TNR: variants seen among roughly 807,000 people sequenced by gnomAD.
The protein encoded by TNR is tenascin R.
Under a neutral mutation model 150.4 loss-of-function variants are expected in TNR, and 45 were observed. That is an observed-to-expected ratio of 0.30 (90% confidence interval 0.24 to 0.38). The LOEUF (loss-of-function observed/expected upper bound fraction) is 0.38, where lower values mean the gene tolerates loss of function less well. TNR is among the 10% of genes least tolerant of loss of function. The pLI is 1.00. For missense variants in TNR, 1,544 were observed against 1,759.1 expected (o/e 0.88, Z 2.19); for synonymous variants, 687 against 678.4 (o/e 1.01, Z -0.20).
rs768539522 is a variant in TNR, at chr1:175,396,737, C to T, written c.1047G>A (p.Pro349=). 1.4e-5 allele frequency: 22 copies of T among 1,614,100 alleles called. No individual in the cohort carries two copies. In the East Asian group the frequency reaches 1.8e-4, roughly 13 times the overall value. ...DRSIELEWDG[P]MAVTEYVISY... is the part of the protein sequence containing the mutation. ...AGATCACATATTCCGTCACTGCCATCGGCCCGTCCCATTCCAGCTCAATGG... is the reference window on the plus strand; with the variant it reads ...AGATCACATATTCCGTCACTGCCATTGGCCCGTCCCATTCCAGCTCAATGG... The change falls in exon 5 of 23, where the codon CCG becomes CCA. Residue 349 remains proline, a synonymous_variant. Coordinates refer to ENST00000367674, the MANE Select transcript of TNR (RefSeq NM_003285.3).
chr1:175,679,948 G>C (rs1665979548), intron 1 of TNR, among the ~76,000 whole-genome samples: 1 of 152,162 alleles, frequency 6.6e-6, no homozygotes, highest in Admixed American at 6.5e-5. Flanking sequence ...CTGTGCTTCT[G>C]TCTGCTGAGG....
At chr1:175,483,021 G>A (rs1438185686) in intron 2 of TNR, among the ~76,000 whole-genome samples, 10 of 152,330 alleles carry the variant, frequency 6.6e-5, no homozygotes, top group African/African-American at 2.4e-4. Flanking sequence ...AACTGAATTA[G>A]GGATTGCCTG....
At chr1:175,403,035 T>C in intron 4 of TNR, 105 bp downstream of exon 4, 1 of 1,020,072 alleles carries the variant, frequency 9.8e-7, no homozygotes, top group Non-Finnish European at 1.5e-6. Flanking sequence ...TTATTTTGCC[T>C]AAACTTCACT....
chr1:175,534,826 A>G (rs1223648981), intron 1 of TNR, among the ~76,000 whole-genome samples: 1 of 152,224 alleles, frequency 6.6e-6, no homozygotes, highest in Admixed American at 6.5e-5. Flanking sequence ...TGTCAAGGAC[A>G]CTACCAGGTG....
chr1:175,403,695 C>T, intron 3 of TNR, 79 bp from the exon 4 acceptor site: 3 of 1,183,246 alleles, frequency 2.5e-6, no homozygotes, highest in South Asian at 2.8e-5. Context: ...GGGCAAAGGC[C>T]TCTCTACTCA....
At chr1:175,565,023 A>G (rs1661586166) in intron 1 of TNR, among the ~76,000 whole-genome samples, 1 of 152,266 alleles carries the variant, frequency 6.6e-6, no homozygotes, top group Non-Finnish European at 1.5e-5. Context: ...AACCAGAATT[A>G]TGACATAGCA....
intron 1 of TNR, among the ~76,000 whole-genome samples, chr1:175,699,761 G>T: frequency 6.6e-6 from 1 of 152,084 alleles, no homozygotes; most frequent in East Asian, 1.9e-4. Context: ...TTTAGCAAAA[G>T]GTTCAAGGGT....
chr1:175,427,363 A>T (rs188584839), intron 2 of TNR, among the ~76,000 whole-genome samples: 3 of 152,322 alleles, frequency 2.0e-5, no homozygotes, highest in South Asian at 4.1e-4. Context: ...ATAGCAAAAA[A>T]TTTTTATATA....
At chr1:175,614,643 C>A (rs978524711) in intron 1 of TNR, among the ~76,000 whole-genome samples, 2 of 152,320 alleles carry the variant, frequency 1.3e-5, no homozygotes, top group African/African-American at 4.8e-5. Flanking sequence ...TATGGATATG[C>A]ACTTCAGGCA....
chr1:175,475,514 C>T (rs1297834230), intron 2 of TNR, among the ~76,000 whole-genome samples: 1 of 152,196 alleles, frequency 6.6e-6, no homozygotes, highest in Non-Finnish European at 1.5e-5. Flanking sequence ...GCTTTATTTC[C>T]TATTGTTTCC....
At chr1:175,659,569 G>T (rs1212011014) in intron 1 of TNR, among the ~76,000 whole-genome samples, 1 of 152,126 alleles carries the variant, frequency 6.6e-6, no homozygotes, top group Non-Finnish European at 1.5e-5. Flanking sequence ...AACCAGGAAG[G>T]CCAGTTGAAG....
chr1:175,361,992 C>T (rs1215758516), intron 14 of TNR, among the ~76,000 whole-genome samples: 1 of 152,178 alleles, frequency 6.6e-6, no homozygotes, highest in Non-Finnish European at 1.5e-5. Context: ...ATATTGCAAG[C>T]CAGTCTCTCC....
chr1:175,426,764 G>A (rs1161155565), intron 2 of TNR, among the ~76,000 whole-genome samples: 2 of 133,176 alleles, frequency 1.5e-5, no homozygotes, highest in Non-Finnish European at 3.2e-5. Context: ...ACGCGTGTGT[G>A]TGTATAAATA....
At chr1:175,633,454 T>C (rs1352943757) in intron 1 of TNR, among the ~76,000 whole-genome samples, 1 of 152,148 alleles carries the variant, frequency 6.6e-6, no homozygotes, top group East Asian at 1.9e-4. Flanking sequence ...ATTATAGCTA[T>C]GGGACAAGAG....
At chr1:175,361,951 T>C (rs942010481) in intron 14 of TNR, among the ~76,000 whole-genome samples, 1 of 152,166 alleles carries the variant, frequency 6.6e-6, no homozygotes, top group Non-Finnish European at 1.5e-5. Context: ...AGGGAGGCCA[T>C]GGGATTTGGA....
rs1438464999 is a variant in TNR, at chr1:175,354,537, C to T, written c.3250-14G>A. 1 of 1,613,608 alleles carries T rather than the reference C, an allele frequency of 6.2e-7. No homozygotes were observed. The highest frequency in any genetic ancestry group is 1.3e-5 in the African/African-American group (1 of 74,878). On this transcript the variant is annotated splice_polypyrimidine_tract_variant and intron_variant, in intron 17 of 22. Coordinates refer to ENST00000367674, the MANE Select transcript of TNR (RefSeq NM_003285.3). ...CACAATCAGCTCCTGTATAATGAGC[C>T]AAAGGAAGGGTGGTGGAAGGGAGCA...
intron 1 of TNR, among the ~76,000 whole-genome samples, chr1:175,678,840 CAG>C (rs1278192194): frequency 2.0e-5 from 3 of 152,194 alleles, no homozygotes; most frequent in African/African-American, 4.8e-5. Context: ...TCTGGGAAGG[CAG>C]AGAGACTAGG....
At chr1:175,667,548 C>T (rs1041678179) in intron 1 of TNR, among the ~76,000 whole-genome samples, 1 of 152,160 alleles carries the variant, frequency 6.6e-6, no homozygotes, top group African/African-American at 2.4e-5. Context: ...GAGGAATTTC[C>T]AGTCTGATTG....
chr1:175,393,727 A>C, intron 6 of TNR, 53 bp downstream of exon 6: 1 of 1,428,466 alleles, frequency 7.0e-7, no homozygotes, highest in Non-Finnish European at 9.9e-7. Flanking sequence ...TCCAAGCTAA[A>C]GGTACAAATA....
Sources: gnomAD v4.1 joint callset for allele counts (sites outside exome capture counted in the v4.1 genomes callset) on GRCh38, gnomAD v4.1.1 for gene constraint, MANE v1.5 for transcripts, NCBI Gene and HGNC (gene_info 2026-07-23, HGNC 2026-07-21) for gene names.